Variants in CSMD3 observed in about 807,000 individuals in gnomAD.
CSMD3 encodes the protein CUB and sushi domain-containing protein 3.
A neutral mutation model predicts 435.2 loss-of-function variants in CSMD3; 177 were observed. The ratio of observed to expected loss-of-function variants is 0.41; its 90% CI spans 0.36 to 0.46. The LOEUF (loss-of-function observed/expected upper bound fraction) is 0.46, where lower values mean the gene tolerates loss of function less well. CSMD3 is among the 20% of genes least tolerant of loss of function. CSMD3 has a pLI of 0.34. For synonymous variants in CSMD3, 1,656 were observed against 1,520.5 expected (o/e 1.09, Z -2.07); for missense variants, 4,265 against 4,504.6 (o/e 0.95, Z 1.52).
chr8:112,684,056 T>G (rs1463579965), intron 15 of CSMD3, among the ~76,000 whole-genome samples: 1 of 151,870 alleles, frequency 6.6e-6, no homozygotes, highest in Non-Finnish European at 1.5e-5. Context: ...CATTATCAAT[T>G]AAATTATTTA....
intron 32 of CSMD3, among the ~76,000 whole-genome samples, chr8:112,438,057 C>T (rs1311637769): frequency 6.6e-6 from 1 of 152,174 alleles, no homozygotes; most frequent in Non-Finnish European, 1.5e-5. Context: ...CATATCTAAC[C>T]TCTCCAACTA....
intron 9 of CSMD3, among the ~76,000 whole-genome samples, chr8:112,925,078 G>A (rs1019658327): frequency 1.3e-5 from 2 of 151,774 alleles, no homozygotes; most frequent in Non-Finnish European, 2.9e-5. Context: ...ATTTATTTTT[G>A]TCCATTTATA....
chr8:112,529,126 AAG>A (rs1374146425), intron 27 of CSMD3, among the ~76,000 whole-genome samples: 1 of 152,164 alleles, frequency 6.6e-6, no homozygotes, highest in Non-Finnish European at 1.5e-5. Context: ...TGAGAAGAAA[AAG>A]AGTTGATCTA....
intron 32 of CSMD3, among the ~76,000 whole-genome samples, chr8:112,469,412 C>T (rs1176308123): frequency 1.3e-5 from 2 of 152,058 alleles, no homozygotes; most frequent in African/African-American, 2.4e-5. Flanking sequence ...ATGTTAGAGC[C>T]TTAACCCCTA....
chr8:112,714,256 A>G (rs2076674863), intron 13 of CSMD3, among the ~76,000 whole-genome samples: 1 of 152,154 alleles, frequency 6.6e-6, no homozygotes, highest in South Asian at 2.1e-4. Context: ...CAGAAAAAAA[A>G]AAAAGCAGGG....
chr8:112,841,867 C>T (rs971369087), intron 11 of CSMD3, among the ~76,000 whole-genome samples: 1 of 151,770 alleles, frequency 6.6e-6, no homozygotes, highest in African/African-American at 2.4e-5. Context: ...GGTGACTTTA[C>T]TATTACATCA....
chr8:112,868,355 G>A (rs1202526435), intron 10 of CSMD3, among the ~76,000 whole-genome samples: 1 of 152,020 alleles, frequency 6.6e-6, no homozygotes, highest in Non-Finnish European at 1.5e-5. Flanking sequence ...TAAAAAGTAT[G>A]GTGTAGTAAA....
At chr8:112,402,730 TCTA>T (rs1356084683) in intron 35 of CSMD3, among the ~76,000 whole-genome samples, 1 of 152,140 alleles carries the variant, frequency 6.6e-6, no homozygotes, top group African/African-American at 2.4e-5. Context: ...GATTTAAAAA[TCTA>T]CTGTGAGTTT....
At chr8:112,910,652 T>A (rs1370061708) in intron 10 of CSMD3, among the ~76,000 whole-genome samples, 9 of 151,404 alleles carry the variant, frequency 5.9e-5, no homozygotes, top group African/African-American at 2.2e-4. Flanking sequence ...GCATTGTATC[T>A]TTGTCCTCAT....
Position 112,337,832 on chromosome 8 carries a change from A to G in CSMD3, c.6653-101T>C, listed in dbSNP as rs1408960948. On this transcript the variant is annotated intron_variant, in intron 42 of 70. Coordinates refer to ENST00000297405, the MANE Select transcript of CSMD3 (RefSeq NM_198123.2). ...GCAACTTAAAAATAGATGTGATGCT[A>G]CTTGCAGTTGATTATAAATAGCAAT... 4.0e-6 allele frequency: 3 copies of G among 746,314 alleles called. No individual in the cohort carries two copies. The East Asian group carries it at 7.7e-5, about 19-fold the overall frequency. 46.2% of individuals were successfully genotyped at this position (746,314 alleles called of 1,614,324 possible). A position where few individuals can be genotyped will look rare whatever the true frequency, so the allele number is the denominator to read the frequency against.
intron 8 of CSMD3, among the ~76,000 whole-genome samples, chr8:112,948,388 G>T (rs543177730): frequency 1.3e-5 from 2 of 152,020 alleles, no homozygotes; most frequent in South Asian, 2.1e-4. Flanking sequence ...ATACAGCAGT[G>T]GTGCAAATTA....
intron 45 of CSMD3, among the ~76,000 whole-genome samples, chr8:112,327,616 G>A (rs1383691005): frequency 1.3e-5 from 2 of 152,086 alleles, no homozygotes; most frequent in East Asian, 1.9e-4. Context: ...ATACACATTG[G>A]AACTAAGTAT....
intron 32 of CSMD3, 61 bp from the exon 33 acceptor site, chr8:112,409,093 A>G: frequency 6.2e-7 from 1 of 1,610,862 alleles, no homozygotes; most frequent in African/African-American, 1.3e-5. Context: ...CGAAAACAAA[A>G]AACAAAAAAA....
chr8:112,976,472 TG>T (rs1564169676), intron 6 of CSMD3, among the ~76,000 whole-genome samples: 1 of 152,090 alleles, frequency 6.6e-6, no homozygotes, highest in East Asian at 1.9e-4. Flanking sequence ...TAGCAACGAA[TG>T]CCTGGCAAGT....
intron 3 of CSMD3, among the ~76,000 whole-genome samples, chr8:113,264,325 A>G (rs2093450420): frequency 1.3e-5 from 2 of 151,532 alleles, no homozygotes; most frequent in South Asian, 2.1e-4. Context: ...TAATCACTCT[A>G]TCAAACTTCA....
At chr8:113,424,476 A>G (rs1222531981) in intron 1 of CSMD3, among the ~76,000 whole-genome samples, 2 of 151,586 alleles carry the variant, frequency 1.3e-5, no homozygotes, top group South Asian at 2.1e-4. Flanking sequence ...GTTGACCTTG[A>G]TAAGTTAGCT....
chr8:112,447,654 A>G (rs1815757687), intron 32 of CSMD3, among the ~76,000 whole-genome samples: 1 of 152,196 alleles, frequency 6.6e-6, no homozygotes, highest in Admixed American at 6.5e-5. Flanking sequence ...GTATAATCTT[A>G]CAAAATTCAG....
At chr8:112,228,596 TA>T (rs1332694850) in intron 70 of CSMD3, among the ~76,000 whole-genome samples, 159 bp downstream of exon 70, 1 of 152,148 alleles carries the variant, frequency 6.6e-6, no homozygotes, top group African/African-American at 2.4e-5. Context: ...CAGGGGTGGT[TA>T]GGGGAAATAA....
At chr8:112,920,686 T>C (rs2130618440) in intron 10 of CSMD3, among the ~76,000 whole-genome samples, 1 of 151,992 alleles carries the variant, frequency 6.6e-6, no homozygotes, top group Non-Finnish European at 1.5e-5. Context: ...ATCAGGTGTT[T>C]TGCACTGTGA....
Sources: gnomAD v4.1 joint callset for allele counts (sites outside exome capture counted in the v4.1 genomes callset) on GRCh38, gnomAD v4.1.1 for gene constraint, MANE v1.5 for transcripts, NCBI Gene and HGNC (gene_info 2026-07-23, HGNC 2026-07-21) for gene names.